The following PCM1 variants were observed in gnomAD, a reference collection of about 807,000 sequenced individuals.
PCM1 encodes the protein pericentriolar material 1.
Under a neutral mutation model 241.9 loss-of-function variants are expected in PCM1, and 157 were observed. The observed-to-expected ratio is 0.65, with a 90% CI of 0.57 to 0.74. PCM1 has a LOEUF of 0.74. Among genes scored for constraint, PCM1 ranks in the 30% least tolerant of loss-of-function variants. The pLI is 0.00. For missense variants in PCM1, 3,478 were observed against 2,360.1 expected, an observed-to-expected ratio of 1.47 and a Z score of -9.81; for synonymous variants, 1,085 against 784.9, an observed-to-expected ratio of 1.38 and a Z score of -6.39.
At position 18,028,562 on chromosome 8, in the gene PCM1, C is replaced by G. The variant is rs1324105697; in HGVS notation, c.*900C>G. 9.8e-6 allele frequency: 2 copies of G among 204,550 alleles called. No individual in the cohort carries two copies. The highest frequency in any genetic ancestry group is 1.0e-5 in the Non-Finnish European group (1 of 100,014). The allele number at this position is 204,550 out of a possible 1,614,324, so 12.7% of individuals were successfully genotyped here. On this transcript the variant is annotated 3_prime_UTR_variant, in exon 39 of 39. Coordinates refer to ENST00000325083, the MANE Select transcript of PCM1 (RefSeq NM_006197.4). ...GCCTATTGAGATGGTAATTTAAAGC[C>G]AAAGCATAGCAGTTTCTTTTGTGTG...
Position 17,985,972 on chromosome 8 carries a change from G to A in PCM1, c.4295G>A (p.Arg1432Lys), listed in dbSNP as rs1190720719. The A allele has an allele frequency of 1.3e-6, 2 of 1,559,200 alleles. No homozygotes were observed. Among genetic ancestry groups the A allele is most frequent in the African/African-American group, 1.4e-5 (1 of 73,326 alleles). ...ALYALQDIVS[R>K]HISESHEKGE... The stretch of plus-strand genomic sequence containing the variant: ...TTTCTTATTTAGGACATAGTATCCA[G>A]ACATATTTCTGAGAGCCATGAAAAA... The change falls in exon 26 of 39, where the codon AGA (arginine) becomes AAA (lysine). Residue 1432 changes from arginine to lysine, a missense_variant. Coordinates refer to ENST00000325083, the MANE Select transcript of PCM1 (RefSeq NM_006197.4).
chr8:17,931,612 C>G (rs1442354760), intron 2 of PCM1, among the ~76,000 whole-genome samples: 1 of 152,098 alleles, frequency 6.6e-6, no homozygotes, highest in Non-Finnish European at 1.5e-5. Flanking sequence ...GAAAGTATTG[C>G]TAACATACTC....
chr8:17,999,570 TCTC>T (rs900101956), intron 29 of PCM1, among the ~76,000 whole-genome samples: 2 of 151,816 alleles, frequency 1.3e-5, no homozygotes, highest in African/African-American at 4.9e-5. Flanking sequence ...CTTGCTCTCG[TCTC>T]CTCAAGCAGA....
intron 17 of PCM1, among the ~76,000 whole-genome samples, chr8:17,964,294 G>A (rs1458058450): frequency 6.6e-6 from 1 of 152,116 alleles, no homozygotes; most frequent in African/African-American, 2.4e-5. Flanking sequence ...TCAAGCAAAT[G>A]TTAAGGGTAG....
At chr8:18,026,555 A>G (rs940757228) in intron 38 of PCM1, among the ~76,000 whole-genome samples, 1 of 152,008 alleles carries the variant, frequency 6.6e-6, no homozygotes, top group Non-Finnish European at 1.5e-5. Context: ...CACCATGCCC[A>G]GCCCAAAAAC....
At chr8:17,991,852 C>A (rs985450274) in intron 28 of PCM1, among the ~76,000 whole-genome samples, 152 bp downstream of exon 28, 7 of 152,100 alleles carry the variant, frequency 4.6e-5, no homozygotes, top group South Asian at 2.1e-4. Context: ...TCCCTCACCC[C>A]CTTCCCACCC....
In PCM1 at chr8:18,011,329, G is replaced by A. The variant is rs1290961644; in HGVS notation, c.5313G>A (p.Glu1771=). The change falls in exon 33 of 39, where the codon GAG becomes GAA. Residue 1771 remains glutamate, a synonymous_variant. Coordinates refer to ENST00000325083, the MANE Select transcript of PCM1 (RefSeq NM_006197.4). ...TAAGATCTGATATTTCTGATCAAGA[G>A]GAAGATGAAGAAAGTGAAGGATGTC... The part of the protein sequence containing the change: ...KNVRSDISDQ[E]EDEESEGCPV... The A allele has an allele frequency of 2.5e-6, 4 of 1,603,596 alleles. No homozygotes were observed. Among genetic ancestry groups the A allele is most frequent in the African/African-American group, 2.7e-5 (2 of 74,692 alleles).
At chr8:18,016,937 C>A (rs182628804) in intron 36 of PCM1, among the ~76,000 whole-genome samples, 1 of 152,280 alleles carries the variant, frequency 6.6e-6, no homozygotes, top group East Asian at 1.9e-4. Flanking sequence ...TTTTCCAAAT[C>A]CCAAGGAAAA....
intron 29 of PCM1, among the ~76,000 whole-genome samples, chr8:17,995,314 C>G (rs2086290979): frequency 6.6e-6 from 1 of 151,244 alleles, no homozygotes; most frequent in Non-Finnish European, 1.5e-5. Flanking sequence ...GTTCTTGGCA[C>G]CTTTGTTGAA....
At chr8:17,956,480 C>G in intron 10 of PCM1, 124 bp from the exon 11 acceptor site, 1 of 632,304 alleles carries the variant, frequency 1.6e-6, no homozygotes, top group Non-Finnish European at 2.8e-6. Context: ...CTGGAGAGTT[C>G]ACTAGGTGGA....
rs576239184 is a variant in PCM1, at chr8:17,979,315, T to C, written c.3944-1276T>C. 1.7e-3 allele frequency among the ~76,000 whole-genome samples: 254 copies of C among 152,308 alleles called. 8 individuals are homozygous for C. The South Asian group carries it at 0.048, about 29-fold the overall frequency. On this transcript the variant is annotated intron_variant, in intron 23 of 38. Transcript: ENST00000325083. The stretch of plus-strand genomic sequence containing the variant: ...GCATTAGGTCAAATAATTGGAATTA[T>C]AATGGTAGTAAATATTGGAAAAGGA...
chr8:17,934,224 C>T (rs1041482530), intron 2 of PCM1, among the ~76,000 whole-genome samples: 2 of 151,560 alleles, frequency 1.3e-5, no homozygotes, highest in Admixed American at 6.6e-5. Flanking sequence ...AGAATTAAAG[C>T]AACTTGGATT....
At chr8:17,961,926 A>ATT in intron 15 of PCM1, 108 bp from the exon 16 acceptor site, 1 of 836,718 alleles carries the variant, frequency 1.2e-6, no homozygotes, top group South Asian at 1.9e-5. Context: ...CTGATAGCAG[A>ATT]TTAAATATGG....
intron 13 of PCM1, among the ~76,000 whole-genome samples, chr8:17,958,352 A>C (rs765900354): frequency 2.5e-4 from 38 of 152,182 alleles, no homozygotes; most frequent in Non-Finnish European, 4.3e-4. Context: ...TTAAAGTTAG[A>C]ACTATTAATC....
intron 10 of PCM1, 109 bp downstream of exon 10, chr8:17,955,762 T>G (rs186585175): frequency 2.3e-6 from 2 of 852,268 alleles, no homozygotes; most frequent in Admixed American, 4.1e-5. Context: ...AATATTGTTG[T>G]AAACATTCTT....
At chr8:18,011,149 AATG>A (rs1365104563) in intron 32 of PCM1, 85 bp from the exon 33 acceptor site, 19 of 805,356 alleles carry the variant, frequency 2.4e-5, no homozygotes, top group African/African-American at 5.4e-5. Context: ...TTTATTAGAT[AATG>A]ATCATTATTA....
chr8:17,967,833 G>T (rs1367388519), intron 21 of PCM1, among the ~76,000 whole-genome samples: 1 of 152,104 alleles, frequency 6.6e-6, no homozygotes, highest in Non-Finnish European at 1.5e-5. Flanking sequence ...TAGACTAAAG[G>T]AGAGCACATT....
Position 17,937,218 on chromosome 8 carries a change from A to G in PCM1, c.181A>G (p.Thr61Ala). ...TGGTGTAGAAAGTGATAAAAGAGTA[A>G]CCAATGATATTTCTCCGGAGTCGTC... The part of the protein sequence containing the change: ...KFGVESDKRV[T>A]NDISPESSPG... The change falls in exon 4 of 39, where the codon ACC (threonine) becomes GCC (alanine). Residue 61 changes from threonine to alanine, a missense_variant. Physicochemically the swap from Thr to Ala is moderately conservative, Grantham distance 58. Coordinates refer to ENST00000325083, the MANE Select transcript of PCM1 (RefSeq NM_006197.4). The G allele has an allele frequency of 6.2e-7, 1 of 1,606,896 alleles. No individual in the cohort carries two copies. The highest frequency in any genetic ancestry group is 8.5e-7 in the Non-Finnish European group (1 of 1,175,460).
At chr8:18,010,914 A>C (rs1426441309) in intron 32 of PCM1, among the ~76,000 whole-genome samples, 1 of 152,198 alleles carries the variant, frequency 6.6e-6, no homozygotes, top group Non-Finnish European at 1.5e-5. Flanking sequence ...CAGAGGTGGT[A>C]TTGAGCCGAG....
Sources: allele counts gnomAD v4.1 joint callset (sites outside exome capture counted in the v4.1 genomes callset), GRCh38; gene constraint gnomAD v4.1.1; transcripts MANE v1.5; gene names NCBI Gene and HGNC (gene_info 2026-07-23, HGNC 2026-07-21).